TBL1X: variants seen among roughly 807,000 people sequenced by gnomAD.
TBL1X encodes the protein transducin beta like 1 X-linked.
Under a neutral mutation model 50.7 loss-of-function variants are expected in TBL1X, and 10 were observed. The ratio of observed to expected loss-of-function variants is 0.20; its 90% CI spans 0.12 to 0.33. The LOEUF (loss-of-function observed/expected upper bound fraction) is 0.33. Among genes scored for constraint, TBL1X ranks in the 10% least tolerant of loss-of-function variants. The pLI is 1.00. For missense variants in TBL1X, 340 were observed against 504.4 expected, an observed-to-expected ratio of 0.67 and a Z score of 3.12; for synonymous variants, 190 against 214.7, an observed-to-expected ratio of 0.88 and a Z score of 1.01.
chrX:9,556,905 C>G (rs73186395), intron 2 of TBL1X, among the ~76,000 whole-genome samples: 2 of 109,637 alleles, frequency 1.8e-5, no homozygotes, highest in Non-Finnish European at 1.9e-5. Flanking sequence ...ACTGCTTGTT[C>G]GAGTCTTTTT....
intron 8 of TBL1X, 130 bp from the exon 9 acceptor site, chrX:9,691,981 CAG>C (rs377690435): frequency 3.8e-6 from 4 of 1,048,976 alleles, no homozygotes; most frequent in African/African-American, 1.9e-5. Context: ...AAGAGGGAAA[CAG>C]GGATCCAGAG....
chrX:9,698,348 C>T (rs908867357), intron 12 of TBL1X, among the ~76,000 whole-genome samples: 2 of 111,046 alleles, frequency 1.8e-5, no homozygotes, highest in Non-Finnish European at 3.8e-5. Context: ...GCTGCGAGGA[C>T]CCCCAGGACT....
chrX:9,565,271 CAAAAA>C lies in TBL1X; in HGVS notation c.-131+63440_-131+63444del, dbSNP rs757679440. 9.4e-4 allele frequency among the ~76,000 whole-genome samples: 35 copies of C among 37,392 alleles called. No homozygotes were observed. In the Admixed American group the frequency reaches 0.016, roughly 17 times the overall value. The allele number at this position is 37,392 out of a possible 115,157, so 32.5% of individuals were successfully genotyped here. On this transcript the variant is annotated intron_variant, in intron 2 of 17. Coordinates refer to ENST00000645353, the MANE Select transcript of TBL1X (RefSeq NM_005647.4). ...TGGGTGGCAGAGCGAGACTCCGTCT[CAAAAA>C]AAAAAAAAAAAAAAAAATCATAATC...
At chrX:9,486,611 G>A (rs1323976715) in intron 1 of TBL1X, among the ~76,000 whole-genome samples, 1 of 78,556 alleles carries the variant, frequency 1.3e-5, no homozygotes, top group African/African-American at 4.8e-5. Flanking sequence ...CGCCCCCGCC[G>A]CCTCAAGTCT....
chrX:9,626,752 CAG>C (rs754985776), intron 2 of TBL1X, among the ~76,000 whole-genome samples: 2 of 111,983 alleles, frequency 1.8e-5, no homozygotes, highest in Admixed American at 1.9e-4. Context: ...GCCATCGTGT[CAG>C]AGAGAGCCAA....
Position 9,594,226 on chromosome X carries a change from A to G in TBL1X, c.-130-46047A>G, listed in dbSNP as rs1601781780. ...GTTTATAAAATAGGGCACCTTGTCA[A>G]GATTAACTTGTGTGAAATTCCCAAG... On this transcript the variant is annotated intron_variant, in intron 2 of 17. Coordinates refer to ENST00000645353, the MANE Select transcript of TBL1X (RefSeq NM_005647.4). Among the ~76,000 whole-genome samples the G allele has an allele frequency of 6.2e-5, 7 of 112,833 alleles. No homozygotes were observed. The Admixed American group carries it at 6.5e-4, about 10-fold the overall frequency.
intron 5 of TBL1X, among the ~76,000 whole-genome samples, chrX:9,658,355 C>T (rs755061126): frequency 5.4e-5 from 6 of 110,791 alleles, no homozygotes; most frequent in East Asian, 5.7e-4. Context: ...GTGCCTTTCC[C>T]GTGAGCTCGT....
At chrX:9,554,960 C>G (rs1423754583) in intron 2 of TBL1X, among the ~76,000 whole-genome samples, 2 of 112,232 alleles carry the variant, frequency 1.8e-5, no homozygotes, top group East Asian at 5.6e-4. Context: ...TTTGCATATT[C>G]TGGACATTAG....
intron 2 of TBL1X, among the ~76,000 whole-genome samples, chrX:9,581,726 G>A (rs2082443545): frequency 1.8e-5 from 2 of 112,064 alleles, no homozygotes; most frequent in African/African-American, 6.5e-5. Context: ...TCATCATCTT[G>A]GAGAGGGCCA....
chrX:9,601,363 T>C (rs1284648762), intron 2 of TBL1X, among the ~76,000 whole-genome samples: 2 of 110,258 alleles, frequency 1.8e-5, no homozygotes, highest in African/African-American at 6.6e-5. Flanking sequence ...TACATATGGG[T>C]GGTTTTCTTG....
At chrX:9,702,575 C>T (rs1485558487) in intron 12 of TBL1X, among the ~76,000 whole-genome samples, 2 of 105,305 alleles carry the variant, frequency 1.9e-5, no homozygotes, top group African/African-American at 7.0e-5. Flanking sequence ...CACTGCACTC[C>T]AGCCTGGGCA....
chrX:9,561,365 A>G (rs970302597), intron 2 of TBL1X, among the ~76,000 whole-genome samples: 1 of 111,062 alleles, frequency 9.0e-6, no homozygotes, highest in Non-Finnish European at 1.9e-5. Flanking sequence ...GTGTGGGGTA[A>G]TGCAGGAGGA....
At chrX:9,669,445 A>G (rs935240460) in intron 5 of TBL1X, among the ~76,000 whole-genome samples, 12 of 111,633 alleles carry the variant, frequency 1.1e-4, no homozygotes, top group Non-Finnish European at 2.1e-4. Context: ...CTGTCTAACA[A>G]CCACTGGCCC....
Position 9,674,084 on chromosome X carries a change from A to C in TBL1X, c.212-9959A>C, listed in dbSNP as rs2082976379. On this transcript the variant is annotated intron_variant, in intron 5 of 17. Transcript: ENST00000645353. ...TTTCTCAGAAATAATAATAATAATA[A>C]ATTGGAAAAATAATACATTGGAAAA... 3.6e-5 allele frequency among the ~76,000 whole-genome samples: 4 copies of C among 112,386 alleles called. No individual in the cohort carries two copies. In the South Asian group the frequency reaches 1.5e-3, roughly 42 times the overall value.
chrX:9,636,244 T>C (rs1415697265), intron 2 of TBL1X: 1 of 110,452 alleles, frequency 9.1e-6, no homozygotes, highest in Admixed American at 9.7e-5. Flanking sequence ...GCATAACATC[T>C]GAACGTACCA....
intron 2 of TBL1X, among the ~76,000 whole-genome samples, chrX:9,538,809 G>A (rs1338105826): frequency 1.8e-5 from 2 of 112,904 alleles, no homozygotes; most frequent in Non-Finnish European, 3.7e-5. Context: ...CCTTTGGTAG[G>A]GAAAGGCAGC....
At chrX:9,529,590 G>A (rs753451393) in intron 2 of TBL1X, among the ~76,000 whole-genome samples, 53 of 110,775 alleles carry the variant, frequency 4.8e-4, no homozygotes, top group Non-Finnish European at 9.4e-4. Context: ...TGTTGTTTGG[G>A]AGTAAGAATA....
At chrX:9,559,779 G>T (rs1434316684) in intron 2 of TBL1X, among the ~76,000 whole-genome samples, 1 of 111,884 alleles carries the variant, frequency 8.9e-6, no homozygotes, top group Non-Finnish European at 1.9e-5. Flanking sequence ...AACATTTGTT[G>T]GAAAGCAGGA....
chrX:9,542,080 G>A (rs1601744700), intron 2 of TBL1X, among the ~76,000 whole-genome samples: 1 of 110,581 alleles, frequency 9.0e-6, no homozygotes, highest in South Asian at 3.8e-4. Flanking sequence ...TTGTTGTAGC[G>A]ATTTACAAGT....
Sources: gnomAD v4.1 joint callset for allele counts (sites outside exome capture counted in the v4.1 genomes callset) on GRCh38, gnomAD v4.1.1 for gene constraint, MANE v1.5 for transcripts, NCBI Gene and HGNC (gene_info 2026-07-23, HGNC 2026-07-21) for gene names.